The following CUBN variants were observed in gnomAD, a reference collection of about 807,000 sequenced individuals.
The protein encoded by CUBN is cubilin, also known as 460 kDa receptor.
In CUBN, 282 loss-of-function variants were observed where a neutral mutation model predicts 405.3. The ratio of observed to expected loss-of-function variants is 0.70; its 90% CI spans 0.63 to 0.77. The LOEUF (loss-of-function observed/expected upper bound fraction) is 0.77, where lower values mean the gene tolerates loss of function less well. Ranked by LOEUF, CUBN falls within the 30% of genes least tolerant of loss-of-function variation. The probability of loss-of-function intolerance (pLI) is 0.00; values close to 1 mark genes in which losing one functional copy is unlikely to be tolerated. For synonymous variants in CUBN, 1,684 were observed against 1,617.0 expected (o/e 1.04, Z -0.99); for missense variants, 4,514 against 4,475.2 (o/e 1.01, Z -0.25).
At chr10:16,949,728 T>C (rs541419320) in intron 34 of CUBN, among the ~76,000 whole-genome samples, 122 of 152,222 alleles carry the variant, frequency 8.0e-4, no homozygotes, top group African/African-American at 2.9e-3. Context: ...ATGGGTTGCA[T>C]TCCACTATTC....
chr10:17,052,847 AAC>A (rs1214688417), intron 22 of CUBN, among the ~76,000 whole-genome samples: 3 of 151,780 alleles, frequency 2.0e-5, no homozygotes, highest in Non-Finnish European at 2.9e-5. Flanking sequence ...GTGAATTTAT[AAC>A]ACAGAGAGAA....
chr10:16,895,159 T>TA (rs1228217270), intron 54 of CUBN, among the ~76,000 whole-genome samples: 1 of 152,214 alleles, frequency 6.6e-6, no homozygotes, highest in Non-Finnish European at 1.5e-5. Flanking sequence ...GATATTCTGT[T>TA]ACTGTTTTTT....
rs1440169565 is a variant in CUBN, at chr10:16,893,988, G to A, written c.8599-3461C>T. On this transcript the variant is annotated intron_variant, in intron 54 of 66. Transcript: ENST00000377833. ...TCATACTTCTCCAGAAGTTAATGAC[G>A]TTGAACATCTTTTCTGGTATTTATC... 3.9e-5 allele frequency among the ~76,000 whole-genome samples: 6 copies of A among 152,246 alleles called. No individual in the cohort carries two copies. In the East Asian group the frequency reaches 7.7e-4, roughly 20 times the overall value.
rs759381212 is a variant in CUBN, at chr10:16,899,059, G to T, written c.8535C>A (p.Ile2845=). 2 of 1,613,480 alleles carry T rather than the reference G, an allele frequency of 1.2e-6. No homozygotes were observed. The highest frequency in any genetic ancestry group is 1.3e-5 in the African/African-American group (1 of 74,904). The change falls in exon 54 of 67, where the codon ATC becomes ATA. Residue 2845 remains isoleucine, a synonymous_variant. Transcript: ENST00000377833. ...GGATTAGGAAGTTGTTGTCAAAGCT[G>T]ATCTCCAAGTGTTTACTTTTGTGAG... ...AITHKSKHLE[I]SFDNNFLIPS...
intron 14 of CUBN, among the ~76,000 whole-genome samples, chr10:17,094,810 A>G (rs1836337650): frequency 6.6e-6 from 1 of 152,064 alleles, no homozygotes; most frequent in Non-Finnish European, 1.5e-5. Context: ...TATGCAAAGC[A>G]GTCTACAGTT....
At chr10:16,855,575 G>A (rs1839846198) in intron 59 of CUBN, among the ~76,000 whole-genome samples, 1 of 152,096 alleles carries the variant, frequency 6.6e-6, no homozygotes, top group South Asian at 2.1e-4. Flanking sequence ...TGGAACGGAG[G>A]CAGGCAAGCT....
At chr10:17,056,826 T>C (rs1835406504) in intron 22 of CUBN, among the ~76,000 whole-genome samples, 1 of 152,010 alleles carries the variant, frequency 6.6e-6, no homozygotes, top group African/African-American at 2.4e-5. Flanking sequence ...AGGACGTATT[T>C]GTATGCAGAA....
chr10:16,967,843 C>CAGAGGGAGAGAGAGAGAAGGAGAG (rs1843438758), intron 31 of CUBN, among the ~76,000 whole-genome samples: 2 of 110,846 alleles, frequency 1.8e-5, no homozygotes, highest in Admixed American at 8.6e-5. Flanking sequence ...GAAGGAGAGA[C>CAGAGGGAGAGAGAGAGAAGGAGAG]AGAGGGAGAG....
chr10:16,872,556 G>T (rs934745780), intron 58 of CUBN, among the ~76,000 whole-genome samples: 3 of 152,030 alleles, frequency 2.0e-5, no homozygotes, highest in Non-Finnish European at 4.4e-5. Context: ...TTTATAAGAG[G>T]CCCTTCCAGC....
chr10:16,891,950 G>A lies in CUBN; in HGVS notation c.8599-1423C>T, dbSNP rs184242626. On this transcript the variant is annotated intron_variant, in intron 54 of 66. Transcript: ENST00000377833. ...AACTATCTCAAACAAGGATGTAGTT[G>A]GATGTGTATTAATCTTACTTGACTA... 1.8e-4 allele frequency among the ~76,000 whole-genome samples: 27 copies of A among 152,264 alleles called. No homozygotes were observed. The East Asian group carries it at 2.9e-3, about 16-fold the overall frequency.
At chr10:16,847,431 A>C (rs1005568302) in intron 60 of CUBN, among the ~76,000 whole-genome samples, 1 of 152,076 alleles carries the variant, frequency 6.6e-6, no homozygotes, top group African/African-American at 2.4e-5. Flanking sequence ...CAGCCTGGGC[A>C]AGACAGCACC....
In CUBN at chr10:16,950,007, G is replaced by A. The variant is rs748805192; in HGVS notation, c.5074C>T (p.Leu1692Phe). 6.2e-7 allele frequency: 1 copy of A among 1,612,626 alleles called. No homozygotes were observed. The highest frequency in any genetic ancestry group is 2.2e-5 in the East Asian group (1 of 44,860). The change falls in exon 34 of 67, where the codon CTC (leucine) becomes TTC (phenylalanine). Residue 1692 changes from leucine (L) to phenylalanine (F), a missense_variant. Leu to Phe is a conservative substitution (Grantham distance 22). This residue lies in a region of CUBN where 1,613 missense variants were observed against 1,542.8 expected (regional missense o/e 1.05). Coordinates refer to ENST00000377833, the MANE Select transcript of CUBN (RefSeq NM_001081.4). ...TGAGTGAACGCTGAGGTACCTCGGA[G>A]GGGCGCGTCTTCGTGGCCGCCATCC... Reference protein sequence around the residue: ...ILDGGHEDAPLRGRYCGTDMP... With the variant: ...ILDGGHEDAPFRGRYCGTDMP...
At chr10:16,867,645 C>A (rs867221467) in intron 59 of CUBN, among the ~76,000 whole-genome samples, 3 of 152,198 alleles carry the variant, frequency 2.0e-5, no homozygotes, top group Non-Finnish European at 4.4e-5. Context: ...TAACACAATG[C>A]TGGCAAGGAG....
intron 51 of CUBN, among the ~76,000 whole-genome samples, chr10:16,902,300 GTATATATAGTATATATATTTGTA>G (rs1326203237): frequency 7.3e-6 from 1 of 136,240 alleles, no homozygotes; most frequent in African/African-American, 2.7e-5. Context: ...ATATATTTGT[GTATATATAGTATATATATTTGTA>G]TATATATATT....
At chr10:16,867,099 C>A (rs537322998) in intron 59 of CUBN, among the ~76,000 whole-genome samples, 1 of 152,126 alleles carries the variant, frequency 6.6e-6, no homozygotes, top group Admixed American at 6.5e-5. Context: ...TAGTTAAGAT[C>A]GAAACGGAAA....
chr10:16,925,376 C>T lies in CUBN; in HGVS notation c.6511G>A (p.Gly2171Arg). 6.2e-7 allele frequency: 1 copy of T among 1,613,964 alleles called. No homozygotes were observed. Among genetic ancestry groups the T allele is most frequent in the South Asian group, 1.1e-5 (1 of 91,080 alleles). ...ICSPPLGPPGGNGHFCGSHAS... is the reference protein window; with the variant it reads ...ICSPPLGPPGRNGHFCGSHAS... ...TGACTGCCACAAAAATGACCATTTCCTCCAGGGGGTCCCAAGGGTGGAGAA... is the reference window on the plus strand; with the variant it reads ...TGACTGCCACAAAAATGACCATTTCTTCCAGGGGGTCCCAAGGGTGGAGAA... The change falls in exon 43 of 67, where the codon GGA (glycine) becomes AGA (arginine). Residue 2171 changes from glycine to arginine, a missense_variant. Gly to Arg is a moderately radical substitution (Grantham distance 125). Coordinates refer to ENST00000377833, the MANE Select transcript of CUBN (RefSeq NM_001081.4).
At chr10:16,952,443 C>T (rs1473622721) in intron 32 of CUBN, 54 bp from the exon 33 acceptor site, 10 of 1,050,570 alleles carry the variant, frequency 9.5e-6, no homozygotes, top group South Asian at 2.5e-5. Context: ...TTCTACTGAC[C>T]GTACAAAACA....
At position 16,925,632 on chromosome 10, in the gene CUBN, G is replaced by A; in HGVS notation, c.6414C>T (p.Phe2138=). 6.2e-7 allele frequency: 1 copy of A among 1,614,028 alleles called. No homozygotes were observed. Among genetic ancestry groups the A allele is most frequent in the East Asian group, 2.2e-5 (1 of 44,884 alleles). The change falls in exon 42 of 67, where the codon TTC becomes TTT. Residue 2138 remains phenylalanine, a synonymous_variant. Transcript: ENST00000377833. ...AAGAAGAATCTCCATTTGGAATCTGGAAAGGCTGTTCAAAATGGACAGCAA... is the reference window on the plus strand; with the variant it reads ...AAGAAGAATCTCCATTTGGAATCTGAAAAGGCTGTTCAAAATGGACAGCAA... ...LTIAVHFEQP[F]QIPNGDSSCN...
intron 17 of CUBN, 139 bp from the exon 18 acceptor site, chr10:17,072,110 C>A: frequency 1.4e-6 from 1 of 699,708 alleles, no homozygotes; most frequent in Non-Finnish European, 2.4e-6. Context: ...CTATTATTTT[C>A]TAAAGCAGTA....
Sources: gnomAD v4.1 joint callset for allele counts (sites outside exome capture counted in the v4.1 genomes callset) on GRCh38, gnomAD v4.1.1 for gene constraint, gnomAD v4.1.1 regional missense constraint, MANE v1.5 for transcripts, NCBI Gene and HGNC (gene_info 2026-07-23, HGNC 2026-07-21) for gene names.